Variants in DOCK10 observed in about 807,000 individuals in gnomAD.
The protein encoded by DOCK10 is dedicator of cytokinesis 10.
Under a neutral mutation model 280.1 loss-of-function variants are expected in DOCK10, and 145 were observed. The observed-to-expected ratio is 0.52, with a 90% confidence interval of 0.45 to 0.59. DOCK10 has a LOEUF of 0.59. Ranked by LOEUF, DOCK10 falls within the 20% of genes least tolerant of loss-of-function variation. The probability of loss-of-function intolerance (pLI) is 0.00; values close to 1 mark genes in which losing one functional copy is unlikely to be tolerated. For synonymous variants in DOCK10, 915 were observed against 942.2 expected, an observed-to-expected ratio of 0.97 and a Z score of 0.53; for missense variants, 2,368 against 2,651.7, an observed-to-expected ratio of 0.89 and a Z score of 2.35.
At chr2:224,856,113 T>C (rs1365746547) in intron 15 of DOCK10, among the ~76,000 whole-genome samples, 1 of 152,216 alleles carries the variant, frequency 6.6e-6, no homozygotes, top group Non-Finnish European at 1.5e-5. Flanking sequence ...AAGTCCGTTG[T>C]TTCCTTAAAG....
chr2:224,991,669 C>A (rs1706129480), intron 1 of DOCK10, among the ~76,000 whole-genome samples: 1 of 152,124 alleles, frequency 6.6e-6, no homozygotes, highest in African/African-American at 2.4e-5. Context: ...TTCACCAGCC[C>A]ATGAGTCCAG....
At chr2:225,011,427 T>C (rs1447437948) in intron 1 of DOCK10, among the ~76,000 whole-genome samples, 1 of 152,136 alleles carries the variant, frequency 6.6e-6, no homozygotes, top group Non-Finnish European at 1.5e-5. Context: ...AAAGAAGAAA[T>C]GAAATTCAAA....
intron 1 of DOCK10, among the ~76,000 whole-genome samples, chr2:224,989,768 G>A (rs1706078578): frequency 6.6e-6 from 1 of 152,138 alleles, no homozygotes; most frequent in Non-Finnish European, 1.5e-5. Context: ...ATTCTTCCTA[G>A]GACCCAGTTA....
At chr2:224,832,634 T>C (rs1226119059) in intron 26 of DOCK10, among the ~76,000 whole-genome samples, 1 of 152,204 alleles carries the variant, frequency 6.6e-6, no homozygotes, top group African/African-American at 2.4e-5. Flanking sequence ...CTAATGGCTA[T>C]TAGAAGTGAA....
At chr2:224,993,753 A>C (rs1198391511) in intron 1 of DOCK10, among the ~76,000 whole-genome samples, 1 of 152,166 alleles carries the variant, frequency 6.6e-6, no homozygotes, top group East Asian at 1.9e-4. Flanking sequence ...CCAAGCTGAC[A>C]GAGGGCAAAG....
chr2:225,000,848 C>T (rs146351608), intron 1 of DOCK10, among the ~76,000 whole-genome samples: 5 of 152,244 alleles, frequency 3.3e-5, no homozygotes, highest in East Asian at 1.9e-4. Flanking sequence ...TGGTGGCTTA[C>T]GCCTGTAATC....
intron 3 of DOCK10, among the ~76,000 whole-genome samples, chr2:224,908,901 C>T (rs1258463668): frequency 6.6e-6 from 1 of 152,204 alleles, no homozygotes; most frequent in African/African-American, 2.4e-5. Context: ...CATTATTCTA[C>T]TCCCGCAGCA....
chr2:224,895,215 AGCAAT>A (rs1303004102), intron 4 of DOCK10, among the ~76,000 whole-genome samples: 1 of 152,236 alleles, frequency 6.6e-6, no homozygotes, highest in East Asian at 1.9e-4. Context: ...GGAAATTGAG[AGCAAT>A]GCTTCCAAGT....
intron 23 of DOCK10, among the ~76,000 whole-genome samples, chr2:224,840,756 A>G (rs1695909748): frequency 2.6e-5 from 4 of 152,212 alleles, no homozygotes; most frequent in Admixed American, 2.6e-4. Flanking sequence ...CAATCCCACT[A>G]CTGGATGTAT....
chr2:224,984,824 T>C (rs1285414246), intron 1 of DOCK10, among the ~76,000 whole-genome samples: 1 of 148,748 alleles, frequency 6.7e-6, no homozygotes, highest in Non-Finnish European at 1.5e-5. Flanking sequence ...GTTTCTGTCA[T>C]ATGACACACA....
intron 38 of DOCK10, 145 bp from the exon 39 acceptor site, chr2:224,804,358 G>C (rs528732848): frequency 1.8e-6 from 1 of 544,832 alleles, no homozygotes; most frequent in Admixed American, 3.8e-5. Context: ...GTTTTCTTTC[G>C]GAAATCAGAA....
intron 16 of DOCK10, 124 bp downstream of exon 16, chr2:224,854,839 G>T: frequency 3.2e-6 from 2 of 624,302 alleles, no homozygotes; most frequent in Non-Finnish European, 5.3e-6. Flanking sequence ...CCAAAACCTT[G>T]TAACCAACCA....
chr2:224,858,646 C>A (rs1437164481), intron 14 of DOCK10, among the ~76,000 whole-genome samples: 1 of 152,032 alleles, frequency 6.6e-6, no homozygotes, highest in African/African-American at 2.4e-5. Flanking sequence ...GAGCGAGACT[C>A]CGTCTCAAAA....
At chr2:224,916,983 T>C (rs1701365455) in intron 2 of DOCK10, among the ~76,000 whole-genome samples, 199 bp from the exon 3 acceptor site, 1 of 152,162 alleles carries the variant, frequency 6.6e-6, no homozygotes, top group African/African-American at 2.4e-5. Flanking sequence ...AGTACTAGTA[T>C]TTTTACAACA....
rs560808111 is a variant in DOCK10 at position 224,939,228 on chromosome 2, C to A, written c.124-7560G>T. On this transcript the variant is annotated intron_variant, in intron 1 of 55. Transcript: ENST00000258390. ...TGACTGTATTGTTACATTCAACACA[C>A]ACATTATCGTTAGAAAAATCAGAAT... Among the ~76,000 whole-genome samples the A allele has an allele frequency of 3.6e-4, 55 of 152,296 alleles. 1 individual carries two copies. In the South Asian group the frequency reaches 0.011, roughly 30 times the overall value.
At chr2:224,815,802 G>A (rs569579795) in intron 30 of DOCK10, among the ~76,000 whole-genome samples, 44 of 152,240 alleles carry the variant, frequency 2.9e-4, no homozygotes, top group African/African-American at 9.9e-4. Flanking sequence ...TTCAGAGGCC[G>A]ACGTAGGCGG....
chr2:224,958,662 C>T (rs1258845472), intron 1 of DOCK10, among the ~76,000 whole-genome samples: 3 of 151,928 alleles, frequency 2.0e-5, no homozygotes, highest in Non-Finnish European at 4.4e-5. Flanking sequence ...CAAGTTTTAA[C>T]CAATATCATA....
intron 3 of DOCK10, among the ~76,000 whole-genome samples, chr2:224,896,609 C>T (rs979927224): frequency 6.6e-6 from 1 of 152,130 alleles, no homozygotes; most frequent in South Asian, 2.1e-4. Flanking sequence ...CCCACCTACT[C>T]GGGAGGCTGA....
chr2:224,783,744 G>A (rs1691530177), intron 50 of DOCK10, among the ~76,000 whole-genome samples: 1 of 150,980 alleles, frequency 6.6e-6, no homozygotes, highest in South Asian at 2.1e-4. Flanking sequence ...TTAGTACAGG[G>A]GTTTTCAAGT....
Sources: gnomAD v4.1 joint callset for allele counts (sites outside exome capture counted in the v4.1 genomes callset) on GRCh38, gnomAD v4.1.1 for gene constraint, MANE v1.5 for transcripts, NCBI Gene and HGNC (gene_info 2026-07-23, HGNC 2026-07-21) for gene names.